PRKG1: variants seen among roughly 807,000 people sequenced by gnomAD.
PRKG1 encodes the protein cGMP-dependent protein kinase 1.
PRKG1 carries 35 observed loss-of-function variants against 88.1 expected under a neutral mutation model. That is an observed-to-expected ratio of 0.40 (90% CI 0.30 to 0.53). PRKG1 has a LOEUF of 0.53. Among genes scored for constraint, PRKG1 ranks in the 20% least tolerant of loss-of-function variants. The pLI is 0.59. For missense variants in PRKG1, 540 were observed against 839.8 expected, an observed-to-expected ratio of 0.64 and a Z score of 4.41; for synonymous variants, 303 against 292.5, an observed-to-expected ratio of 1.04 and a Z score of -0.37.
chr10:51,753,751 T>A (rs1184903502), intron 3 of PRKG1, among the ~76,000 whole-genome samples: 1 of 152,216 alleles, frequency 6.6e-6, no homozygotes, highest in Non-Finnish European at 1.5e-5. Flanking sequence ...ATAGGTTGAC[T>A]CTGCTTCAAT....
chr10:52,267,957 T>G (rs915361860), intron 10 of PRKG1, among the ~76,000 whole-genome samples: 2 of 152,138 alleles, frequency 1.3e-5, no homozygotes, highest in African/African-American at 4.8e-5. Context: ...AGATTTCTGA[T>G]GAATATGTTA....
At chr10:52,038,138 T>C (rs1845664807) in intron 5 of PRKG1, among the ~76,000 whole-genome samples, 1 of 152,110 alleles carries the variant, frequency 6.6e-6, no homozygotes, top group African/African-American at 2.4e-5. Flanking sequence ...CAGAAGAAAA[T>C]AAGGCATTTA....
At chr10:51,269,936 C>T (rs978477969) in intron 2 of PRKG1, among the ~76,000 whole-genome samples, 2 of 152,118 alleles carry the variant, frequency 1.3e-5, no homozygotes, top group Non-Finnish European at 2.9e-5. Flanking sequence ...CATTTTAATG[C>T]AGTTTGGATC....
chr10:51,719,483 T>G (rs978691844), intron 3 of PRKG1, among the ~76,000 whole-genome samples: 4 of 152,150 alleles, frequency 2.6e-5, no homozygotes, highest in Non-Finnish European at 1.5e-5. Flanking sequence ...AATACCTAAT[T>G]AATGTTCCTC....
chr10:51,102,652 G>A (rs1844712958), intron 1 of PRKG1, among the ~76,000 whole-genome samples: 1 of 152,118 alleles, frequency 6.6e-6, no homozygotes, highest in African/African-American at 2.4e-5. Flanking sequence ...AACTCTAAAG[G>A]TTTTGACATT....
chr10:52,129,528 CT>C (rs1294099419), intron 7 of PRKG1, among the ~76,000 whole-genome samples: 1 of 152,110 alleles, frequency 6.6e-6, no homozygotes, highest in Non-Finnish European at 1.5e-5. Context: ...CTCTAGCAGG[CT>C]TTGAGTGCAC....
At chr10:51,078,893 G>A (rs1844036932) in intron 1 of PRKG1, among the ~76,000 whole-genome samples, 1 of 152,054 alleles carries the variant, frequency 6.6e-6, no homozygotes, top group South Asian at 2.1e-4. Context: ...TGGGATTACA[G>A]GTGTGAGCCA....
intron 3 of PRKG1, among the ~76,000 whole-genome samples, chr10:51,526,184 A>G (rs145229447): frequency 2.0e-5 from 3 of 152,348 alleles, no homozygotes; most frequent in East Asian, 3.9e-4. Context: ...TAAGAAAAAC[A>G]TACAAATCCA....
intron 2 of PRKG1, among the ~76,000 whole-genome samples, chr10:51,250,960 A>T (rs1279845397): frequency 6.6e-6 from 1 of 151,680 alleles, no homozygotes; most frequent in Admixed American, 6.6e-5. Flanking sequence ...TAGAGCTGCG[A>T]TGTTTTCCCC....
intron 2 of PRKG1, among the ~76,000 whole-genome samples, chr10:51,261,104 A>T (rs1186543631): frequency 6.6e-6 from 1 of 152,216 alleles, no homozygotes; most frequent in East Asian, 1.9e-4. Flanking sequence ...TTGGAATCCC[A>T]AAGGAAGATA....
intron 2 of PRKG1, among the ~76,000 whole-genome samples, chr10:51,227,723 G>A (rs1838730887): frequency 6.6e-6 from 1 of 152,178 alleles, no homozygotes; most frequent in Admixed American, 6.6e-5. Context: ...ATTTAATGTG[G>A]AGAAAGAAAC....
At chr10:51,570,190 C>T (rs921500306) in intron 3 of PRKG1, among the ~76,000 whole-genome samples, 39 of 150,986 alleles carry the variant, frequency 2.6e-4, no homozygotes, top group African/African-American at 9.5e-4. Flanking sequence ...TGGATCTGTC[C>T]CCCCGCACAG....
At chr10:51,142,049 G>A (rs1243262263) in intron 1 of PRKG1, among the ~76,000 whole-genome samples, 1 of 152,008 alleles carries the variant, frequency 6.6e-6, no homozygotes, top group African/African-American at 2.4e-5. Flanking sequence ...CAAATTTTGT[G>A]TACTTCATTT....
intron 3 of PRKG1, among the ~76,000 whole-genome samples, chr10:51,680,543 A>C (rs1840826155): frequency 1.3e-5 from 2 of 152,240 alleles, no homozygotes; most frequent in Non-Finnish European, 2.9e-5. Context: ...AGTTTATTCC[A>C]ACATCTTGTC....
chr10:51,794,712 T>C (rs978865324), intron 3 of PRKG1, among the ~76,000 whole-genome samples: 1 of 152,066 alleles, frequency 6.6e-6, no homozygotes, highest in African/African-American at 2.4e-5. Context: ...TGTATACATA[T>C]GTTAAAACAT....
intron 3 of PRKG1, among the ~76,000 whole-genome samples, chr10:51,586,145 A>T (rs1838167042): frequency 6.6e-6 from 1 of 152,178 alleles, no homozygotes; most frequent in Non-Finnish European, 1.5e-5. Flanking sequence ...TGAATTTATA[A>T]TAAGGAAAAG....
At chr10:51,468,042 A>T in intron 3 of PRKG1, 2 of 476,392 alleles carry the variant, frequency 4.2e-6, no homozygotes, top group Non-Finnish European at 7.5e-6. Flanking sequence ...TTTCTTGCTG[A>T]CTTCTGAAAA....
chr10:51,040,639 G>A (rs547716434), intron 1 of PRKG1, among the ~76,000 whole-genome samples: 29 of 151,798 alleles, frequency 1.9e-4, no homozygotes, highest in Admixed American at 2.0e-4. Flanking sequence ...TTTCATCAGC[G>A]TTTTTTAATT....
chr10:51,922,153 A>G (rs1842475824), intron 5 of PRKG1, among the ~76,000 whole-genome samples: 1 of 151,706 alleles, frequency 6.6e-6, no homozygotes, highest in African/African-American at 2.4e-5. Flanking sequence ...CTTTTAAGGA[A>G]TTGGTCCACT....
Sources: gnomAD v4.1 joint callset for allele counts (sites outside exome capture counted in the v4.1 genomes callset) on GRCh38, gnomAD v4.1.1 for gene constraint, MANE v1.5 for transcripts, NCBI Gene and HGNC (gene_info 2026-07-23, HGNC 2026-07-21) for gene names.